Variants in RGS6 observed in about 807,000 individuals in gnomAD.
The protein encoded by RGS6 is regulator of G-protein signaling 6.
A neutral mutation model predicts 78.5 loss-of-function variants in RGS6; 30 were observed. That is an observed-to-expected ratio of 0.38 (90% confidence interval 0.29 to 0.52). RGS6 has a LOEUF of 0.52. RGS6 is among the 20% of genes least tolerant of loss of function. The pLI, the probability that RGS6 is intolerant of heterozygous loss-of-function variation, is 0.85. For synonymous variants in RGS6, 206 were observed against 206.0 expected (o/e 1.00, Z 0.00); for missense variants, 495 against 609.7 (o/e 0.81, Z 1.98).
intron 8 of RGS6, among the ~76,000 whole-genome samples, chr14:72,470,879 CAAAAA>C (rs34084675): frequency 3.6e-5 from 4 of 112,538 alleles, no homozygotes; most frequent in African/African-American, 1.1e-4. Flanking sequence ...AACTCCCTCT[CAAAAA>C]AAAAAAAAAA....
chr14:72,580,733 T>A, the RGS6 span, among the ~76,000 whole-genome samples: 10 of 152,302 alleles, frequency 6.6e-5, no homozygotes, highest in East Asian at 1.5e-3. Context: ...ACTATGCATA[T>A]GATCTCTTTC....
chr14:72,116,235 A>G (rs1411923884), intron 2 of RGS6, among the ~76,000 whole-genome samples: 1 of 152,190 alleles, frequency 6.6e-6, no homozygotes, highest in East Asian at 1.9e-4. Flanking sequence ...TGCACTGATG[A>G]AACCCCAGAA....
intron 2 of RGS6, among the ~76,000 whole-genome samples, chr14:72,124,851 C>G (rs1822605744): frequency 1.3e-5 from 2 of 152,194 alleles, no homozygotes; most frequent in South Asian, 4.1e-4. Context: ...GAAGCTCCCT[C>G]CATAACTCCC....
intron 7 of RGS6, among the ~76,000 whole-genome samples, chr14:72,469,176 C>A (rs1029192257): frequency 6.6e-6 from 1 of 150,564 alleles, no homozygotes; most frequent in African/African-American, 2.4e-5. Flanking sequence ...CTTTCATGAA[C>A]ATCACAAACG....
chr14:71,995,005 G>C (rs1250263403), intron 2 of RGS6, among the ~76,000 whole-genome samples: 1 of 152,204 alleles, frequency 6.6e-6, no homozygotes, highest in Admixed American at 6.5e-5. Flanking sequence ...ACTGGGGGCT[G>C]AGGTGGGGTG....
chr14:72,224,272 TAGCC>T (rs1420582061), intron 2 of RGS6, among the ~76,000 whole-genome samples: 1 of 151,932 alleles, frequency 6.6e-6, no homozygotes, highest in African/African-American at 2.4e-5. Flanking sequence ...GTGCAAAAAT[TAGCC>T]AGGTGTGGTG....
At chr14:72,348,343 C>T (rs1223578599) in intron 2 of RGS6, among the ~76,000 whole-genome samples, 1 of 152,164 alleles carries the variant, frequency 6.6e-6, no homozygotes, top group African/African-American at 2.4e-5. Flanking sequence ...GCCTCAATTT[C>T]AATGTCTTTA....
chr14:72,487,510 C>T (rs1253378103), intron 12 of RGS6, among the ~76,000 whole-genome samples: 1 of 152,172 alleles, frequency 6.6e-6, no homozygotes, highest in Non-Finnish European at 1.5e-5. Context: ...AGAGATTATC[C>T]TGGATTGCCC....
intron 2 of RGS6, among the ~76,000 whole-genome samples, chr14:72,214,177 A>AT (rs35022655): frequency 0.061 from 8,038 of 131,216 alleles, 315 homozygotes; most frequent in East Asian, 0.24. Context: ...TTATTTTCTT[A>AT]TTTTTTTTTT....
chr14:72,359,645 A>G (rs2081081424), intron 3 of RGS6, among the ~76,000 whole-genome samples: 1 of 152,220 alleles, frequency 6.6e-6, no homozygotes, highest in African/African-American at 2.4e-5. Context: ...GGGTACTCCA[A>G]TCTATAGATG....
At chr14:72,161,722 T>C (rs149674) in intron 2 of RGS6, among the ~76,000 whole-genome samples, 67,483 of 152,104 alleles carry the variant, frequency 0.44, 15,407 homozygotes, top group African/African-American at 0.55. Flanking sequence ...TACAGGAGTG[T>C]GGAGTAACAA....
Position 71,937,567 on chromosome 14 carries a change from C to A in RGS6, c.-21+4626C>A, listed in dbSNP as rs572437410. Among the ~76,000 whole-genome samples the A allele has an allele frequency of 5.3e-5, 8 of 152,308 alleles. No individual in the cohort carries two copies. In the South Asian group the frequency reaches 1.5e-3, roughly 28 times the overall value. ...TCGAAAGGCCATTCCACCATTCTAT[C>A]AATATAACTGCTTCAGGATGATGGG... On this transcript the variant is annotated intron_variant, in intron 1 of 17. Coordinates refer to ENST00000553525, the MANE Select transcript of RGS6 (RefSeq NM_001204424.2).
intron 2 of RGS6, among the ~76,000 whole-genome samples, chr14:72,134,293 G>A (rs1353302821): frequency 6.6e-6 from 1 of 152,166 alleles, no homozygotes; most frequent in Non-Finnish European, 1.5e-5. Flanking sequence ...GGGCTTCTCT[G>A]TGGTTAGTTC....
At chr14:72,536,787 T>C (rs765674850) in intron 16 of RGS6, among the ~76,000 whole-genome samples, 1 of 152,078 alleles carries the variant, frequency 6.6e-6, no homozygotes, top group Non-Finnish European at 1.5e-5. Context: ...ATCCTGGGGT[T>C]TCTCCCTCCT....
intron 2 of RGS6, among the ~76,000 whole-genome samples, chr14:72,055,635 A>C (rs2093581736): frequency 6.6e-6 from 1 of 152,164 alleles, no homozygotes; most frequent in South Asian, 2.1e-4. Flanking sequence ...GGAGCCCAGC[A>C]TTGAACATAG....
intron 3 of RGS6, among the ~76,000 whole-genome samples, chr14:72,440,091 C>G (rs144212011): frequency 6.6e-6 from 1 of 152,210 alleles, no homozygotes; most frequent in Non-Finnish European, 1.5e-5. Context: ...ACAAATGTGT[C>G]TATTTGTGGT....
intron 2 of RGS6, among the ~76,000 whole-genome samples, chr14:72,159,228 C>G (rs1007190355): frequency 4.6e-5 from 7 of 152,152 alleles, no homozygotes; most frequent in South Asian, 2.1e-4. Context: ...TGCGAACCAT[C>G]TCAGGGCATA....
intron 2 of RGS6, among the ~76,000 whole-genome samples, chr14:72,049,455 C>G (rs533929491): frequency 6.6e-6 from 1 of 152,314 alleles, no homozygotes; most frequent in South Asian, 2.1e-4. Context: ...GTGCAAGTCT[C>G]TCGTGATATC....
chr14:72,207,977 T>G (rs2043095312), intron 2 of RGS6, among the ~76,000 whole-genome samples: 1 of 152,212 alleles, frequency 6.6e-6, no homozygotes. Flanking sequence ...AAGGGCTCTA[T>G]GTGTTTGAGG....
Sources: gnomAD v4.1 joint callset for allele counts (sites outside exome capture counted in the v4.1 genomes callset) on GRCh38, gnomAD v4.1.1 for gene constraint, MANE v1.5 for transcripts, NCBI Gene and HGNC (gene_info 2026-07-23, HGNC 2026-07-21) for gene names.